ADAMTS3: variants seen among roughly 807,000 people sequenced by gnomAD.
The protein encoded by ADAMTS3 is A disintegrin and metalloproteinase with thrombospondin motifs 3.
Under a neutral mutation model 129.0 loss-of-function variants are expected in ADAMTS3, and 73 were observed. That is an observed-to-expected ratio of 0.57 (90% CI 0.47 to 0.69). The LOEUF (loss-of-function observed/expected upper bound fraction) is 0.69. Among genes scored for constraint, ADAMTS3 ranks in the 30% least tolerant of loss-of-function variants. The pLI is 0.00. For missense variants in ADAMTS3, 1,457 were observed against 1,514.5 expected, an observed-to-expected ratio of 0.96 and a Z score of 0.63; for synonymous variants, 477 against 510.8, an observed-to-expected ratio of 0.93 and a Z score of 0.89.
At chr4:72,332,458 A>G (rs1277819078) in intron 5 of ADAMTS3, among the ~76,000 whole-genome samples, 1 of 152,180 alleles carries the variant, frequency 6.6e-6, no homozygotes. Flanking sequence ...TCAATATACA[A>G]AGAAACTGAT....
chr4:72,390,000 G>A (rs189631191), intron 4 of ADAMTS3, among the ~76,000 whole-genome samples: 1 of 152,186 alleles, frequency 6.6e-6, no homozygotes, highest in Non-Finnish European at 1.5e-5. Flanking sequence ...AACGAGTGGA[G>A]AAGAGGGCAG....
intron 3 of ADAMTS3, among the ~76,000 whole-genome samples, chr4:72,509,378 A>G (rs1720251908): frequency 6.6e-6 from 1 of 152,028 alleles, no homozygotes; most frequent in Admixed American, 6.6e-5. Flanking sequence ...ATGAATCTTT[A>G]GCCAAACTAA....
At chr4:72,327,575 A>G (rs893392097) in intron 5 of ADAMTS3, among the ~76,000 whole-genome samples, 3 of 152,202 alleles carry the variant, frequency 2.0e-5, no homozygotes, top group Non-Finnish European at 2.9e-5. Flanking sequence ...AGATGTTCTC[A>G]TTGCCCAGAG....
intron 3 of ADAMTS3, among the ~76,000 whole-genome samples, chr4:72,492,349 T>G (rs1176957916): frequency 1.3e-5 from 2 of 151,626 alleles, no homozygotes; most frequent in South Asian, 2.1e-4. Context: ...TGCAAAGTTT[T>G]TTTTTTCAAT....
intron 3 of ADAMTS3, among the ~76,000 whole-genome samples, chr4:72,428,018 A>C (rs1722612702): frequency 1.4e-5 from 2 of 146,712 alleles, no homozygotes. Context: ...TTGTCATTTA[A>C]GAGTCAGTTT....
At chr4:72,491,088 G>T (rs569019856) in intron 3 of ADAMTS3, among the ~76,000 whole-genome samples, 1 of 151,864 alleles carries the variant, frequency 6.6e-6, no homozygotes, top group Non-Finnish European at 1.5e-5. Flanking sequence ...CATTACGAAT[G>T]AGATTGTTTT....
chr4:72,550,108 AGAAGAAGAAG>A (rs1721606968), intron 2 of ADAMTS3, among the ~76,000 whole-genome samples: 2 of 116,146 alleles, frequency 1.7e-5, no homozygotes, highest in African/African-American at 5.7e-5. Context: ...AAGAAGAAGA[AGAAGAAGAAG>A]GCATAGAAAG....
At position 72,419,440 on chromosome 4, in the gene ADAMTS3, T is replaced by C. The variant is rs367897018; in HGVS notation, c.505-4469A>G. Among the ~76,000 whole-genome samples the C allele has an allele frequency of 1.6e-4, 25 of 152,218 alleles. No individual in the cohort carries two copies. The East Asian group carries it at 3.9e-3, about 24-fold the overall frequency. On this transcript the variant is annotated intron_variant, in intron 3 of 21. Transcript: ENST00000286657. ...TGGTGATTTTCCAAATATGGGAGTA[T>C]TGCTATAGTGGGGATAGAATAGAAG...
chr4:72,446,817 TA>T (rs952801797), intron 3 of ADAMTS3, among the ~76,000 whole-genome samples: 5 of 151,630 alleles, frequency 3.3e-5, no homozygotes, highest in Non-Finnish European at 7.4e-5. Flanking sequence ...CTAGTGAATC[TA>T]AGATTTTTTT....
intron 4 of ADAMTS3, among the ~76,000 whole-genome samples, chr4:72,388,461 C>T (rs146407611): frequency 3.3e-5 from 5 of 152,312 alleles, no homozygotes; most frequent in Non-Finnish European, 7.3e-5. Flanking sequence ...AAAGGGGCCA[C>T]GTCACTACCC....
In ADAMTS3 at chr4:72,498,408, TAA is replaced by T. The variant is rs540852272; in HGVS notation, c.504+50068_504+50069del. ...CTTATATTGAGAGTAATAGAAGTCA[TAA>T]AAAGAGTTTTACTAGAAAAGCCTGT... On this transcript the variant is annotated intron_variant, in intron 3 of 21. Transcript: ENST00000286657. 3.9e-3 allele frequency among the ~76,000 whole-genome samples: 586 copies of T among 151,924 alleles called. 2 individuals are homozygous for T. Among genetic ancestry groups the T allele is most frequent in the Non-Finnish European group, 6.7e-3 (454 of 67,884 alleles).
intron 4 of ADAMTS3, among the ~76,000 whole-genome samples, chr4:72,396,288 G>T (rs1283665801): frequency 6.6e-6 from 1 of 152,090 alleles, no homozygotes; most frequent in Non-Finnish European, 1.5e-5. Flanking sequence ...TCTCATCAAA[G>T]ATTTTATTTA....
chr4:72,456,785 A>C (rs778796433), intron 3 of ADAMTS3, among the ~76,000 whole-genome samples: 1 of 151,464 alleles, frequency 6.6e-6, no homozygotes, highest in Non-Finnish European at 1.5e-5. Flanking sequence ...TTGGGGGTGC[A>C]TTCTTTACAT....
At chr4:72,475,656 C>T (rs1008404729) in intron 3 of ADAMTS3, among the ~76,000 whole-genome samples, 1 of 151,786 alleles carries the variant, frequency 6.6e-6, no homozygotes, top group Non-Finnish European at 1.5e-5. Flanking sequence ...TCTACAAGAT[C>T]CAGTCAATAT....
chr4:72,537,941 A>G (rs1721222834), intron 3 of ADAMTS3, among the ~76,000 whole-genome samples: 1 of 152,208 alleles, frequency 6.6e-6, no homozygotes, highest in Admixed American at 6.5e-5. Flanking sequence ...CAAGAAAGAC[A>G]TAAATTCTAA....
Position 72,286,322 on chromosome 4 carries a change from A to G in ADAMTS3, c.3049+2429T>C, listed in dbSNP as rs114203784. ...ACAGTATATGTTAAAACTTCTGAGT[A>G]AAGTTTGTTCTTTTGGTTTTGATTT... On this transcript the variant is annotated intron_variant, in intron 21 of 21. Coordinates refer to ENST00000286657, the MANE Select transcript of ADAMTS3 (RefSeq NM_014243.3). 4.9e-3 allele frequency among the ~76,000 whole-genome samples: 740 copies of G among 152,352 alleles called. 12 individuals are homozygous for G. The highest frequency in any genetic ancestry group is 0.017 in the African/African-American group (715 of 41,582).
intron 3 of ADAMTS3, among the ~76,000 whole-genome samples, chr4:72,541,706 C>T (rs574630646): frequency 3.7e-4 from 57 of 152,094 alleles, no homozygotes; most frequent in African/African-American, 4.8e-4. Flanking sequence ...GATGGTTTTA[C>T]AAAGGGCAGT....
At position 72,312,506 on chromosome 4, in the gene ADAMTS3, T is replaced by G. The variant is rs773655724; in HGVS notation, c.1746-40A>C. 5.6e-6 allele frequency: 9 copies of G among 1,599,292 alleles called. No homozygotes were observed. In the East Asian group the frequency reaches 2.0e-4, roughly 36 times the overall value. ...ACATTTAAAAAGGCCTTTTGGCTTC[T>G]GTCTAGCAGTTGAAGCTTGCAGACA... On this transcript the variant is annotated intron_variant, in intron 12 of 21. Coordinates refer to ENST00000286657, the MANE Select transcript of ADAMTS3 (RefSeq NM_014243.3).
intron 21 of ADAMTS3, among the ~76,000 whole-genome samples, chr4:72,287,700 A>C (rs1424854344): frequency 1.3e-5 from 2 of 152,106 alleles, no homozygotes; most frequent in Non-Finnish European, 2.9e-5. Flanking sequence ...AGCTCATCAG[A>C]GACAGAGCAA....
Sources: gnomAD v4.1 joint callset for allele counts (sites outside exome capture counted in the v4.1 genomes callset) on GRCh38, gnomAD v4.1.1 for gene constraint, MANE v1.5 for transcripts, NCBI Gene and HGNC (gene_info 2026-07-23, HGNC 2026-07-21) for gene names.